Variants in TP73 observed in about 807,000 individuals in gnomAD.
TP73 encodes the protein tumor protein p73.
A neutral mutation model predicts 62.5 loss-of-function variants in TP73; 25 were observed. The observed-to-expected ratio is 0.40, with a 90% CI of 0.29 to 0.56. The LOEUF (loss-of-function observed/expected upper bound fraction) is 0.56, where lower values mean the gene tolerates loss of function less well. Ranked by LOEUF, TP73 falls within the 20% of genes least tolerant of loss-of-function variation. The pLI, the probability that TP73 is intolerant of heterozygous loss-of-function variation, is 0.46. For missense variants in TP73, 754 were observed against 913.3 expected (o/e 0.83, Z 2.25); for synonymous variants, 423 against 377.5 (o/e 1.12, Z -1.40).
Position 3,733,371 on chromosome 1 carries a change from C to T in TP73, c.*292C>T. The T allele has an allele frequency of 2.1e-6, 1 of 478,386 alleles. No individual in the cohort carries two copies. Among genetic ancestry groups the T allele is most frequent in the Non-Finnish European group, 3.7e-6 (1 of 267,362 alleles). 29.6% of individuals were successfully genotyped at this position (478,386 alleles called of 1,614,324 possible). On this transcript the variant is annotated 3_prime_UTR_variant, in exon 14 of 14. Transcript: ENST00000378295. ...GCCCTGCCACTGCCCCGGCGTGCTC[C>T]ATGGCAGGCGTGGGTGGGGACCGCA...
chr1:3,693,643 C>A (rs1308667318), intron 3 of TP73, among the ~76,000 whole-genome samples: 1 of 152,088 alleles, frequency 6.6e-6, no homozygotes, highest in Non-Finnish European at 1.5e-5. Context: ...GATGGGGACG[C>A]AGGGGGGCCT....
chr1:3,707,927 A>G lies in TP73; in HGVS notation c.429+136A>G, dbSNP rs1171750351. 2.9e-6 allele frequency: 4 copies of G among 1,394,654 alleles called. No homozygotes were observed. In the East Asian group the frequency reaches 1.0e-4, roughly 35 times the overall value. 86.4% of individuals were successfully genotyped at this position (1,394,654 alleles called of 1,614,324 possible). ...GGGTTCCCACCTGGCCCGGGCCAGG[A>G]GGAGCATCGGGCAGGAGGCGGGTCT... On this transcript the variant is annotated intron_variant, in intron 4 of 13. Coordinates refer to ENST00000378295, the MANE Select transcript of TP73 (RefSeq NM_005427.4).
rs111294354 is a variant in TP73 at position 3,672,444 on chromosome 1, C to G, written c.-33-9889C>G. Among the ~76,000 whole-genome samples, 1 of 152,054 alleles carries G rather than the reference C, an allele frequency of 6.6e-6. No homozygotes were observed. Among genetic ancestry groups the G allele is most frequent in the Non-Finnish European group, 1.5e-5 (1 of 67,978 alleles). Reference sequence around the variant, plus strand: ...AGGACAGGGATGTGTCTGTGCAGAACGAGGCTGTGGCAGCTCCAGCGAAGG... The same window carrying G: ...AGGACAGGGATGTGTCTGTGCAGAAGGAGGCTGTGGCAGCTCCAGCGAAGG... On this transcript the variant is annotated intron_variant, in intron 1 of 13. Transcript: ENST00000378295. The surrounding 1 kb of genome is among the most constrained non-coding windows in gnomAD (Gnocchi z 5.3).
chr1:3,665,025 A>T (rs1163133324), intron 1 of TP73, among the ~76,000 whole-genome samples: 1 of 152,220 alleles, frequency 6.6e-6, no homozygotes, highest in African/African-American at 2.4e-5. Flanking sequence ...TCAGTTAAAC[A>T]GGAGATGCAA....
chr1:3,716,195 T>C (rs1188389970), intron 4 of TP73, among the ~76,000 whole-genome samples: 2 of 152,190 alleles, frequency 1.3e-5, no homozygotes, highest in Non-Finnish European at 2.9e-5. Flanking sequence ...TGTTTCTGCC[T>C]CTGGTTCATC....
rs1641127518 is a variant in TP73, at chr1:3,722,191, G to A, written c.600G>A (p.Gly200=). The A allele has an allele frequency of 6.2e-7, 1 of 1,612,484 alleles. No individual in the cohort carries two copies. The highest frequency in any genetic ancestry group is 1.3e-5 in the African/African-American group (1 of 74,938). ...VVKRCPNHEL[G]RDFNEGQSAP... is the part of the protein sequence containing the mutation. Reference sequence around the variant, plus strand: ...AACGCTGCCCCAACCACGAGCTCGGGAGGGACTTCAACGAAGGTGAGGGCC... The same window carrying A: ...AACGCTGCCCCAACCACGAGCTCGGAAGGGACTTCAACGAAGGTGAGGGCC... The change falls in exon 5 of 14, where the codon GGG becomes GGA. Residue 200 remains glycine, a synonymous_variant. Transcript: ENST00000378295.
At chr1:3,729,269 A>AC (rs1641933449) in intron 9 of TP73, 58 bp from the exon 10 acceptor site, 1 of 1,607,228 alleles carries the variant, frequency 6.2e-7, no homozygotes, top group African/African-American at 1.3e-5. Context: ...GGCTGCGGCC[A>AC]CCCCCCTCCC....
chr1:3,703,717 C>T (rs2124363864), intron 3 of TP73, among the ~76,000 whole-genome samples: 1 of 152,356 alleles, frequency 6.6e-6, no homozygotes, highest in South Asian at 2.1e-4. Context: ...CACTGGCTGT[C>T]CTGTTCTCAG....
At chr1:3,664,504 G>A (rs902453560) in intron 1 of TP73, among the ~76,000 whole-genome samples, 2 of 152,198 alleles carry the variant, frequency 1.3e-5, no homozygotes, top group African/African-American at 2.4e-5. Context: ...CTGCTCGCCC[G>A]TACTGCACCA....
chr1:3,687,631 G>A (rs1645695778), intron 3 of TP73, among the ~76,000 whole-genome samples: 1 of 152,170 alleles, frequency 6.6e-6, no homozygotes, highest in Non-Finnish European at 1.5e-5. Flanking sequence ...GGACACAGGA[G>A]GGGAGAAAAG....
intron 3 of TP73, among the ~76,000 whole-genome samples, chr1:3,686,750 G>T (rs1283878664): frequency 1.3e-5 from 2 of 152,220 alleles, no homozygotes; most frequent in Admixed American, 1.3e-4. Flanking sequence ...GGCCGAGGTG[G>T]GTGTGGCTGG....
chr1:3,680,500 G>GA, intron 1 of TP73, among the ~76,000 whole-genome samples: 1 of 152,282 alleles, frequency 6.6e-6, no homozygotes, highest in Middle Eastern at 3.4e-3. Flanking sequence ...TGTCCTCTTG[G>GA]ATCTAAGGGA....
At chr1:3,673,545 A>T (rs181460558) in intron 1 of TP73, among the ~76,000 whole-genome samples, 1 of 152,338 alleles carries the variant, frequency 6.6e-6, no homozygotes, top group African/African-American at 2.4e-5. Context: ...AAGGAAACAG[A>T]GGCTCAGAAT....
intron 1 of TP73, among the ~76,000 whole-genome samples, chr1:3,667,259 T>G (rs1645140022): frequency 6.6e-6 from 1 of 152,190 alleles, no homozygotes; most frequent in Admixed American, 6.5e-5. Flanking sequence ...TCCCGGGGTC[T>G]CCAGAAGCAG....
intron 3 of TP73, among the ~76,000 whole-genome samples, chr1:3,684,863 G>A (rs1314770959): frequency 1.3e-5 from 2 of 152,040 alleles, no homozygotes; most frequent in Non-Finnish European, 2.9e-5. Context: ...TGCTGGGAAA[G>A]GGTGGGCTGG....
At chr1:3,656,348 G>GCTTTCTTTT (rs1644865908) in intron 1 of TP73, among the ~76,000 whole-genome samples, 1 of 152,200 alleles carries the variant, frequency 6.6e-6, no homozygotes, top group African/African-American at 2.4e-5. Flanking sequence ...CATCCAAAGT[G>GCTTTCTTTT]CTTTCTTTTC....
At chr1:3,683,229 A>T (rs1012906415) in intron 3 of TP73, 49 bp downstream of exon 3, 1 of 1,560,714 alleles carries the variant, frequency 6.4e-7, no homozygotes, top group Non-Finnish European at 8.8e-7. Flanking sequence ...GGGGACAACA[A>T]ATGTGGCCTG....
chr1:3,712,608 G>A (rs1429022932), intron 4 of TP73, among the ~76,000 whole-genome samples: 1 of 152,180 alleles, frequency 6.6e-6, no homozygotes, highest in Admixed American at 6.5e-5. Flanking sequence ...AGACTGTTGG[G>A]GGAGAGGCAT....
chr1:3,722,084 G>A lies in TP73; in HGVS notation c.493G>A (p.Val165Met). The A allele has an allele frequency of 6.2e-7, 1 of 1,612,996 alleles. No homozygotes were observed. Among genetic ancestry groups the A allele is most frequent in the South Asian group, 1.1e-5 (1 of 91,078 alleles). The change falls in exon 5 of 14, where the codon GTG (valine) becomes ATG (methionine). Residue 165 changes from valine (V) to methionine (M), a missense_variant. Coordinates refer to ENST00000378295, the MANE Select transcript of TP73 (RefSeq NM_005427.4). ...IAKTCPIQIK[V>M]STPPPPGTAI... ...CAAGACATGCCCCATCCAGATCAAG[G>A]TGTCCACCCCGCCACCCCCAGGCAC...
Sources: gnomAD v4.1 joint callset for allele counts (sites outside exome capture counted in the v4.1 genomes callset) on GRCh38, gnomAD v4.1.1 for gene constraint, Gnocchi (gnomAD v3.1) non-coding constraint, MANE v1.5 for transcripts, NCBI Gene and HGNC (gene_info 2026-07-23, HGNC 2026-07-21) for gene names.